TOX2: variants seen among roughly 807,000 people sequenced by gnomAD.
TOX2 encodes the protein granulosa cell HMG box 1.
A neutral mutation model predicts 47.4 loss-of-function variants in TOX2; 15 were observed. The observed-to-expected ratio is 0.32, with a 90% CI of 0.21 to 0.49. TOX2 has a LOEUF of 0.49. Ranked by LOEUF, TOX2 falls within the 20% of genes least tolerant of loss-of-function variation. The probability of loss-of-function intolerance (pLI) is 0.99; values close to 1 mark genes in which losing one functional copy is unlikely to be tolerated. For synonymous variants in TOX2, 290 were observed against 296.6 expected, an observed-to-expected ratio of 0.98 and a Z score of 0.23; for missense variants, 622 against 673.1, an observed-to-expected ratio of 0.92 and a Z score of 0.84.
chr20:43,993,705 G>A (rs1454707667), intron 2 of TOX2, among the ~76,000 whole-genome samples: 1 of 152,188 alleles, frequency 6.6e-6, no homozygotes, highest in African/African-American at 2.4e-5. Flanking sequence ...CTACTTTCAT[G>A]CTATAGCAAT....
At chr20:43,983,984 C>CT (rs2070216184) in intron 2 of TOX2, among the ~76,000 whole-genome samples, 1 of 152,224 alleles carries the variant, frequency 6.6e-6, no homozygotes, top group Non-Finnish European at 1.5e-5. Context: ...ATTCTGGCCT[C>CT]TGAGTCTGTG....
intron 3 of TOX2, among the ~76,000 whole-genome samples, chr20:44,010,653 G>A (rs903044068): frequency 6.6e-6 from 1 of 152,180 alleles, no homozygotes; most frequent in Non-Finnish European, 1.5e-5. Context: ...CGTGGGTGAC[G>A]CTGGAATTGG....
intron 1 of TOX2, among the ~76,000 whole-genome samples, chr20:43,942,557 A>T (rs1175132299): frequency 6.6e-6 from 1 of 152,134 alleles, no homozygotes; most frequent in Non-Finnish European, 1.5e-5. Context: ...GTGGTGGCAC[A>T]TGCCTGTAGT....
At chr20:43,954,574 G>A (rs73908122) in intron 1 of TOX2, among the ~76,000 whole-genome samples, 22,106 of 152,204 alleles carry the variant, frequency 0.15, 1,984 homozygotes, top group Admixed American at 0.29. Context: ...TGCAGAGGGA[G>A]CTCTGGACCT....
chr20:43,928,981 G>GAAAAAAAAAAAAAAA (rs575418660), intron 1 of TOX2, among the ~76,000 whole-genome samples: 15 of 86,128 alleles, frequency 1.7e-4, no homozygotes, highest in African/African-American at 5.9e-4. Context: ...CTAAAAATAT[G>GAAAAAAAAAAAAAAA]AAAAAAAAAA....
intron 2 of TOX2, among the ~76,000 whole-genome samples, chr20:43,993,060 G>C (rs1050780983): frequency 3.9e-5 from 6 of 152,042 alleles, no homozygotes; most frequent in Non-Finnish European, 7.4e-5. Context: ...CCCGCTGAAT[G>C]AGGAAGGCAC....
chr20:44,065,576 TG>T, intron 6 of TOX2, 135 bp from the exon 7 acceptor site: 1 of 1,008,460 alleles, frequency 9.9e-7, no homozygotes, highest in Non-Finnish European at 1.5e-6. Context: ...GTGCTATCTC[TG>T]GTTAGTCCAA....
rs569865127 is a variant in TOX2 at position 44,061,808 on chromosome 20, T to C, written c.880-2969T>C. Reference sequence around the variant, plus strand: ...CCATGATCAAGTGGGTTTCATACCATGGATGCAGGGATGGTTTAACATACA... The same window carrying C: ...CCATGATCAAGTGGGTTTCATACCACGGATGCAGGGATGGTTTAACATACA... On this transcript the variant is annotated intron_variant, in intron 5 of 8. Transcript: ENST00000341197. Among the ~76,000 whole-genome samples, 31 of 152,254 alleles carry C rather than the reference T, an allele frequency of 2.0e-4. No homozygotes were observed. The East Asian group carries it at 5.4e-3, about 26-fold the overall frequency.
chr20:43,971,122 T>A (rs935968032), intron 1 of TOX2, among the ~76,000 whole-genome samples: 1 of 152,172 alleles, frequency 6.6e-6, no homozygotes, highest in Non-Finnish European at 1.5e-5. Flanking sequence ...TCAGAGGTGA[T>A]CTGCATGTGG....
intron 1 of TOX2, among the ~76,000 whole-genome samples, chr20:43,951,705 A>ATTTTTTTTTTTTTTTT (rs1212223106): frequency 9.9e-5 from 3 of 30,386 alleles, no homozygotes; most frequent in African/African-American, 2.6e-4. Flanking sequence ...TAAACTTATT[A>ATTTTTTTTTTTTTTTT]TGTTTTTTTT....
intron 2 of TOX2, among the ~76,000 whole-genome samples, chr20:43,977,030 C>T (rs2070091989): frequency 6.6e-6 from 1 of 152,174 alleles, no homozygotes; most frequent in South Asian, 2.1e-4. Context: ...TTATTGGACA[C>T]CTGTTATATG....
In TOX2 at chr20:43,923,809, C is replaced by T. The variant is rs184415793; in HGVS notation, c.99+8819C>T. On this transcript the variant is annotated intron_variant, in intron 1 of 8. Transcript: ENST00000341197. The stretch of plus-strand genomic sequence containing the variant: ...GGGAAGTTCTCTGCGGTGAGGTGGG[C>T]GGAAGGGGTGCACCTGCAGGGGACA... Among the ~76,000 whole-genome samples the T allele has an allele frequency of 2.3e-4, 35 of 152,104 alleles. No individual in the cohort carries two copies. In the East Asian group the frequency reaches 4.3e-3, roughly 18 times the overall value.
rs2069055103 is a variant in TOX2, at chr20:43,916,371, C to T, written c.99+1381C>T. Among the ~76,000 whole-genome samples, 1 of 152,238 alleles carries T rather than the reference C, an allele frequency of 6.6e-6. No individual in the cohort carries two copies. Among genetic ancestry groups the T allele is most frequent in the African/African-American group, 2.4e-5 (1 of 41,458 alleles). Reference sequence around the variant, plus strand: ...GGGCCTCCCTGAGTGCGCCCTCAGGCCCCAGGGGAGCGGCTTCTGGCAAAG... The same window carrying T: ...GGGCCTCCCTGAGTGCGCCCTCAGGTCCCAGGGGAGCGGCTTCTGGCAAAG... On this transcript the variant is annotated intron_variant, in intron 1 of 8. Coordinates refer to ENST00000341197, the MANE Select transcript of TOX2 (RefSeq NM_001098797.2). The surrounding 1 kb of genome is among the most constrained non-coding windows in gnomAD (Gnocchi z 5.0).
At chr20:43,984,746 C>G (rs957395553) in intron 2 of TOX2, among the ~76,000 whole-genome samples, 1 of 152,050 alleles carries the variant, frequency 6.6e-6, no homozygotes, top group Non-Finnish European at 1.5e-5. Flanking sequence ...TTCCTTCCAA[C>G]TATTATGAGA....
chr20:43,972,145 A>T (rs2069982936), intron 1 of TOX2, among the ~76,000 whole-genome samples: 1 of 152,198 alleles, frequency 6.6e-6, no homozygotes, highest in African/African-American at 2.4e-5. Context: ...CACAGCCAGT[A>T]TAGTTCTCTG....
rs1555835309 is a variant in TOX2 at position 43,976,782 on chromosome 20, G to GCGCACACACA, written c.165+3351_165+3352insGCACACACAC. On this transcript the variant is annotated intron_variant, in intron 2 of 8. Coordinates refer to ENST00000341197, the MANE Select transcript of TOX2 (RefSeq NM_001098797.2). ...TTGAACTCACAACGCGAGCGCGCGC[G>GCGCACACACA]CACACACACACACACACACACATAC... Among the ~76,000 whole-genome samples the GCGCACACACA allele has an allele frequency of 3.5e-3, 511 of 146,532 alleles. 3 individuals carry two copies. The highest frequency in any genetic ancestry group is 0.012 in the African/African-American group (473 of 38,300).
At chr20:43,946,958 G>A (rs1041706310) in intron 1 of TOX2, among the ~76,000 whole-genome samples, 6 of 152,164 alleles carry the variant, frequency 3.9e-5, no homozygotes, top group African/African-American at 1.2e-4. Context: ...GAAGGCTCCC[G>A]CTCAGGTCCG....
At chr20:44,064,728 C>T in intron 5 of TOX2, 49 bp from the exon 6 acceptor site, 1 of 1,577,314 alleles carries the variant, frequency 6.3e-7, no homozygotes, top group Non-Finnish European at 8.7e-7. Flanking sequence ...TGCACGGCAT[C>T]TCCTCTGTAA....
At chr20:44,062,227 C>T (rs546044128) in intron 5 of TOX2, among the ~76,000 whole-genome samples, 2 of 152,044 alleles carry the variant, frequency 1.3e-5, no homozygotes, top group Non-Finnish European at 2.9e-5. Flanking sequence ...AAAGACTCAT[C>T]CAAAAAGCTC....
Sources: gnomAD v4.1 joint callset for allele counts (sites outside exome capture counted in the v4.1 genomes callset) on GRCh38, gnomAD v4.1.1 for gene constraint, Gnocchi (gnomAD v3.1) non-coding constraint, MANE v1.5 for transcripts, NCBI Gene and HGNC (gene_info 2026-07-23, HGNC 2026-07-21) for gene names.